BLCAP: variants seen among roughly 807,000 people sequenced by gnomAD.
BLCAP encodes the protein apoptosis inducing factor BLCAP.
BLCAP carries 1 observed loss-of-function variant against 5.7 expected under a neutral mutation model. The observed-to-expected ratio is 0.18, with a 90% CI of 0.06 to 0.83. The LOEUF (loss-of-function observed/expected upper bound fraction) is 0.83, where lower values mean the gene tolerates loss of function less well. Among genes scored for constraint, BLCAP ranks in the 40% least tolerant of loss-of-function variants. The pLI is 0.71. For missense variants in BLCAP, 66 were observed against 107.6 expected, an observed-to-expected ratio of 0.61 and a Z score of 1.71; for synonymous variants, 48 against 49.4, an observed-to-expected ratio of 0.97 and a Z score of 0.11.
intron 1 of BLCAP, among the ~76,000 whole-genome samples, chr20:37,526,271 T>TCCCCCCCCCCCCCCCC (rs11477433): frequency 8.0e-6 from 1 of 125,294 alleles, no homozygotes; most frequent in Non-Finnish European, 1.7e-5. Flanking sequence ...GCAGTTAACT[T>TCCCCCCCCCCCCCCCC]CCCCCCCCCA....
intron 1 of BLCAP, among the ~76,000 whole-genome samples, chr20:37,527,308 G>T (rs1174092511): frequency 6.6e-6 from 1 of 152,062 alleles, no homozygotes; most frequent in East Asian, 1.9e-4. Flanking sequence ...CCCAGACACC[G>T]AAGCGGAGCC....
Position 37,521,132 on chromosome 20 carries a change from CCT to C in BLCAP, c.-176-1784_-176-1783del. On this transcript the variant is annotated intron_variant, in intron 1 of 1. Transcript: ENST00000373537. The surrounding 1 kb of genome is among the most constrained non-coding windows in gnomAD (Gnocchi z 4.5). ...GAAAGAGCAGATGGATTATTTTTTT[CCT>C]CTCCTGGCGAATGAGGAGCGCCCCC... 3.2e-6 allele frequency: 2 copies of C among 634,532 alleles called. No individual in the cohort carries two copies. The highest frequency in any genetic ancestry group is 2.7e-5 in the East Asian group (1 of 37,602). The allele number at this position is 634,532 out of a possible 1,614,324, so 39.3% of individuals were successfully genotyped here. A position where few individuals can be genotyped will look rare whatever the true frequency, so the allele number is the denominator to read the frequency against.
chr20:37,527,232 C>T (rs542079685), intron 1 of BLCAP, among the ~76,000 whole-genome samples: 2 of 152,262 alleles, frequency 1.3e-5, no homozygotes, highest in South Asian at 4.1e-4. Context: ...GGGATGTCCA[C>T]CCTTGATGTA....
In BLCAP at chr20:37,521,221, A is replaced by C; in HGVS notation, c.-176-1871T>G. On this transcript the variant is annotated intron_variant, in intron 1 of 1. Coordinates refer to ENST00000373537, the MANE Select transcript of BLCAP (RefSeq NM_006698.4). This position sits in a 1 kb window ranked among gnomAD's most constrained non-coding sequence, Gnocchi z 4.5. The stretch of plus-strand genomic sequence containing the variant: ...ATGCGCACTTAGGTGGCGGGCGGGT[A>C]CTTAAGGCGCGGCCACCGCGGCTGC... 1 of 1,106,064 alleles carries C rather than the reference A, an allele frequency of 9.0e-7. No homozygotes were observed. The highest frequency in any genetic ancestry group is 1.4e-6 in the Non-Finnish European group (1 of 727,990). The allele number at this position is 1,106,064 out of a possible 1,614,324, so 68.5% of individuals were successfully genotyped here. A position where few individuals can be genotyped will look rare whatever the true frequency, so the allele number is the denominator to read the frequency against.
intron 1 of BLCAP, chr20:37,527,026 C>G (rs2071733939): frequency 6.6e-6 from 1 of 152,144 alleles, no homozygotes; most frequent in Non-Finnish European, 1.5e-5. Context: ...GAGGACAGAC[C>G]CCAGTCTCCC....
Position 37,519,190 on chromosome 20 carries a change from G to C in BLCAP, c.-16C>G. The C allele has an allele frequency of 6.4e-7, 1 of 1,564,686 alleles. No individual in the cohort carries two copies. Among genetic ancestry groups the C allele is most frequent in the Non-Finnish European group, 8.7e-7 (1 of 1,154,174 alleles). ...GGCAATACATGATCTCTGCCGGGCA[G>C]GGCCTTCACCAAGGCTGCCGGGCAC... On this transcript the variant is annotated 5_prime_UTR_variant, in exon 2 of 2. Transcript: ENST00000373537.
At chr20:37,526,998 G>A (rs1259729763) in intron 1 of BLCAP, 3 of 152,166 alleles carry the variant, frequency 2.0e-5, no homozygotes, top group Non-Finnish European at 4.4e-5. Flanking sequence ...CCTATAAACA[G>A]AAAGGCTGTT....
At position 37,517,751 on chromosome 20, in the gene BLCAP, A is replaced by T. The variant is rs1341538462; in HGVS notation, c.*1160T>A. 1 of 152,658 alleles carries T rather than the reference A, an allele frequency of 6.6e-6. No individual in the cohort carries two copies. The highest frequency in any genetic ancestry group is 1.9e-4 in the East Asian group (1 of 5,192). 9.5% of individuals were successfully genotyped at this position (152,658 alleles called of 1,614,324 possible). A position where few individuals can be genotyped will look rare whatever the true frequency, so the allele number is the denominator to read the frequency against. The stretch of plus-strand genomic sequence containing the variant: ...TTCCTGGGTATTCTTCATAATGTAC[A>T]GTCTATATGCGCAGGAACGAAGAAG... On this transcript the variant is annotated 3_prime_UTR_variant, in exon 2 of 2. Coordinates refer to ENST00000373537, the MANE Select transcript of BLCAP (RefSeq NM_006698.4).
chr20:37,525,621 CTT>C (rs1269342263), intron 1 of BLCAP, among the ~76,000 whole-genome samples: 1 of 152,228 alleles, frequency 6.6e-6, no homozygotes, highest in Non-Finnish European at 1.5e-5. Flanking sequence ...TGGCAGCAAA[CTT>C]AACCCACCAG....
chr20:37,521,456 A>T lies in BLCAP; in HGVS notation c.-176-2106T>A. The stretch of plus-strand genomic sequence containing the variant: ...GAGGGTTCCCAACTCGCGCCCCTAG[A>T]ACCCGCAAGACTGCGTCGCGATTGC... On this transcript the variant is annotated intron_variant, in intron 1 of 1. Transcript: ENST00000373537. This position sits in a 1 kb window ranked among gnomAD's most constrained non-coding sequence, Gnocchi z 4.5. 6.4e-7 allele frequency: 1 copy of T among 1,553,058 alleles called. No individual in the cohort carries two copies. Among genetic ancestry groups the T allele is most frequent in the Admixed American group, 1.7e-5 (1 of 59,934 alleles).
chr20:37,522,600 A>C, intron 1 of BLCAP: 3 of 1,475,088 alleles, frequency 2.0e-6, no homozygotes, highest in Non-Finnish European at 2.8e-6. Flanking sequence ...GGGGGTGGGC[A>C]CGGCAGCACC....
chr20:37,520,770 A>C (rs2147186564), intron 1 of BLCAP, among the ~76,000 whole-genome samples: 1 of 152,348 alleles, frequency 6.6e-6, no homozygotes, highest in South Asian at 2.1e-4. Context: ...CTCATTCAGT[A>C]TCAGGAAAAG....
chr20:37,527,104 G>GA (rs917616913), intron 1 of BLCAP: 14 of 152,166 alleles, frequency 9.2e-5, no homozygotes, highest in African/African-American at 3.1e-4. Flanking sequence ...AAAGGGGAAG[G>GA]AAAAAACAAC....
Position 37,518,086 on chromosome 20 carries a change from C to T in BLCAP, c.*825G>A, listed in dbSNP as rs1455262245. 1 of 152,346 alleles carries T rather than the reference C, an allele frequency of 6.6e-6. No individual in the cohort carries two copies. The highest frequency in any genetic ancestry group is 1.5e-5 in the Non-Finnish European group (1 of 68,096). 9.4% of individuals were successfully genotyped at this position (152,346 alleles called of 1,614,324 possible). A position where few individuals can be genotyped will look rare whatever the true frequency, so the allele number is the denominator to read the frequency against. ...CTCCCACTCACTCAGCTGGGGACTG[C>T]TAGAACTACGTGAACACACCATACT... On this transcript the variant is annotated 3_prime_UTR_variant, in exon 2 of 2. Transcript: ENST00000373537.
rs2147182367 is a variant in BLCAP, at chr20:37,519,000, A to T, written c.175T>A (p.Tyr59Asn). ...AGGAAACAGTTTCCCCAGCAGCTAT[A>T]GCAGATAAGGAACAGGGCTGCCAGG... ...VFLAALFLICYSCWGNCFLYH... is the reference protein window; with the variant it reads ...VFLAALFLICNSCWGNCFLYH... Residue 59 changes from tyrosine to asparagine, a missense_variant, in exon 2 of 2, where the codon TAT becomes AAT. Coordinates refer to ENST00000373537, the MANE Select transcript of BLCAP (RefSeq NM_006698.4). The T allele has an allele frequency of 6.2e-7, 1 of 1,614,230 alleles. No homozygotes were observed. The highest frequency in any genetic ancestry group is 8.5e-7 in the Non-Finnish European group (1 of 1,180,036).
At position 37,521,758 on chromosome 20, in the gene BLCAP, T is replaced by G. The variant is rs2147188916; in HGVS notation, c.-176-2408A>C. ...CGGGGCACTACTGTGTTGAAAGACT[T>G]TACAGCTCGCAGAGTGAAAATTTTC... On this transcript the variant is annotated intron_variant, in intron 1 of 1. Transcript: ENST00000373537. The surrounding 1 kb of genome is among the most constrained non-coding windows in gnomAD (Gnocchi z 4.5). 4.8e-6 allele frequency: 1 copy of G among 206,398 alleles called. No individual in the cohort carries two copies. Among genetic ancestry groups the G allele is most frequent in the East Asian group, 1.1e-4 (1 of 8,894 alleles). 12.8% of individuals were successfully genotyped at this position (206,398 alleles called of 1,614,324 possible). A position where few individuals can be genotyped will look rare whatever the true frequency, so the allele number is the denominator to read the frequency against.
chr20:37,522,739 A>T lies in BLCAP; in HGVS notation c.-176-3389T>A, dbSNP rs780016304. The T allele has an allele frequency of 2.4e-5, 39 of 1,607,568 alleles. No homozygotes were observed. The highest frequency in any genetic ancestry group is 3.3e-5 in the Non-Finnish European group (39 of 1,177,636). ...CGGGCGGCAGGTGTTGGGGGAGCGC[A>T]GGCAGCGAGCCCCCAACTGAGGCCC... On this transcript the variant is annotated intron_variant, in intron 1 of 1. Coordinates refer to ENST00000373537, the MANE Select transcript of BLCAP (RefSeq NM_006698.4).
intron 1 of BLCAP, among the ~76,000 whole-genome samples, chr20:37,524,885 C>A (rs550214190): frequency 6.6e-6 from 1 of 152,294 alleles, no homozygotes; most frequent in South Asian, 2.1e-4. Context: ...ACCTTGTACC[C>A]TTCATCTCCA....
At position 37,517,760 on chromosome 20, in the gene BLCAP, G is replaced by A. The variant is rs1601081773; in HGVS notation, c.*1151C>T. 1 of 152,672 alleles carries A rather than the reference G, an allele frequency of 6.5e-6. No homozygotes were observed. The highest frequency in any genetic ancestry group is 6.5e-5 in the Admixed American group (1 of 15,282). The allele number at this position is 152,672 out of a possible 1,614,324, so 9.5% of individuals were successfully genotyped here. A position where few individuals can be genotyped will look rare whatever the true frequency, so the allele number is the denominator to read the frequency against. On this transcript the variant is annotated 3_prime_UTR_variant, in exon 2 of 2. Coordinates refer to ENST00000373537, the MANE Select transcript of BLCAP (RefSeq NM_006698.4). ...ATTCTTCATAATGTACAGTCTATAT[G>A]CGCAGGAACGAAGAAGCTCCTGGCG... is the stretch of plus-strand genomic sequence containing the variant.
Sources: allele counts gnomAD v4.1 joint callset (sites outside exome capture counted in the v4.1 genomes callset), GRCh38; gene constraint gnomAD v4.1.1; non-coding constraint Gnocchi (gnomAD v3.1); transcripts MANE v1.5; gene names NCBI Gene and HGNC (gene_info 2026-07-23, HGNC 2026-07-21).